The following HPSE2 variants were observed in gnomAD, a reference collection of about 807,000 sequenced individuals.
HPSE2 encodes heparanase 2 (inactive), also known as inactive heparanase-2.
HPSE2 carries 38 observed loss-of-function variants against 60.5 expected under a neutral mutation model. The ratio of observed to expected loss-of-function variants is 0.63; its 90% confidence interval spans 0.48 to 0.82. HPSE2 has a LOEUF of 0.82. Among genes scored for constraint, HPSE2 ranks in the 40% least tolerant of loss-of-function variants. HPSE2 has a pLI of 0.00. For synonymous variants in HPSE2, 295 were observed against 293.2 expected (o/e 1.01, Z -0.06); for missense variants, 713 against 740.4 (o/e 0.96, Z 0.43).
chr10:99,222,333 A>G (rs1448953710), intron 2 of HPSE2, among the ~76,000 whole-genome samples: 1 of 152,132 alleles, frequency 6.6e-6, no homozygotes, highest in Non-Finnish European at 1.5e-5. Context: ...TGATTTCTTC[A>G]TTTTAAGTGT....
intron 3 of HPSE2, among the ~76,000 whole-genome samples, chr10:98,848,948 T>G (rs1218436977): frequency 1.3e-5 from 2 of 152,186 alleles, no homozygotes; most frequent in African/African-American, 4.8e-5. Context: ...TTGAAAGTAC[T>G]TTAGGTTTAC....
In HPSE2 at chr10:99,235,698, G is replaced by C. The variant is rs1382803220; in HGVS notation, c.105C>G (p.Leu35=). Residue 35 remains leucine (L), a synonymous_variant, in exon 1 of 12, where the codon CTC becomes CTG. Transcript: ENST00000370552. The part of the protein sequence containing the change: ...GALYLALLLH[L]SLSSQAGDRR... ...TGTCTCCAGCCTGGGAGGAAAGGGA[G>C]AGATGGAGCAACAGAGCCAAGTAGA... 6.2e-7 allele frequency: 1 copy of C among 1,614,098 alleles called. No homozygotes were observed. Among genetic ancestry groups the C allele is most frequent in the Non-Finnish European group, 8.5e-7 (1 of 1,180,038 alleles).
the HPSE2 span, among the ~76,000 whole-genome samples, chr10:99,282,694 A>T: frequency 7.2e-4 from 109 of 152,364 alleles, no homozygotes; most frequent in African/African-American, 2.6e-3. Flanking sequence ...CAAGAAAACA[A>T]CTAAAGGAAA....
At chr10:98,611,663 T>C (rs1046851053) in intron 9 of HPSE2, among the ~76,000 whole-genome samples, 2 of 152,184 alleles carry the variant, frequency 1.3e-5, no homozygotes, top group South Asian at 2.1e-4. Flanking sequence ...GTGTGTCAGA[T>C]TGGTGTTCTG....
intron 9 of HPSE2, among the ~76,000 whole-genome samples, chr10:98,545,485 G>T (rs1053513232): frequency 6.6e-6 from 1 of 152,172 alleles, no homozygotes; most frequent in African/African-American, 2.4e-5. Context: ...CCCTGGGATG[G>T]AAGGCTGGTT....
At position 99,044,694 on chromosome 10, in the gene HPSE2, A is replaced by AC. The variant is rs201901641; in HGVS notation, c.610+99543_610+99544insG. Among the ~76,000 whole-genome samples, 192 of 146,386 alleles carry AC rather than the reference A, an allele frequency of 1.3e-3. 1 individual carries two copies. Among genetic ancestry groups the AC allele is most frequent in the African/African-American group, 4.1e-3 (165 of 40,616 alleles). On this transcript the variant is annotated intron_variant, in intron 3 of 11. Transcript: ENST00000370552. Reference sequence around the variant, plus strand: ...ATGCAAACAGAAAACAAACAAACAAAAAAAATAGCAGGAATTGTTATTCTT... The same window carrying AC: ...ATGCAAACAGAAAACAAACAAACAAACAAAAATAGCAGGAATTGTTATTCTT...
chr10:99,138,322 A>T (rs1256936777), intron 3 of HPSE2, among the ~76,000 whole-genome samples: 1 of 152,226 alleles, frequency 6.6e-6, no homozygotes, highest in Non-Finnish European at 1.5e-5. Flanking sequence ...CCATTGTGGA[A>T]GACAGTGTGG....
intron 4 of HPSE2, among the ~76,000 whole-genome samples, chr10:98,734,888 TACACACACAC>T (rs140139802): frequency 6.7e-6 from 1 of 148,230 alleles, no homozygotes. Context: ...ATTTGTCCCT[TACACACACAC>T]ACACACACAC....
the HPSE2 span, among the ~76,000 whole-genome samples, chr10:99,312,897 G>A: frequency 1.3e-5 from 2 of 152,172 alleles, no homozygotes; most frequent in Non-Finnish European, 2.9e-5. Flanking sequence ...GGAGGTCACT[G>A]GATAATGGAG....
chr10:98,708,638 T>G (rs1044207154), intron 5 of HPSE2, among the ~76,000 whole-genome samples: 14 of 152,186 alleles, frequency 9.2e-5, no homozygotes, highest in African/African-American at 3.1e-4. Flanking sequence ...TTTTCCTTCC[T>G]AACAAAATGA....
chr10:98,600,603 G>A (rs967432763), intron 9 of HPSE2, among the ~76,000 whole-genome samples: 1 of 151,710 alleles, frequency 6.6e-6, no homozygotes, highest in Non-Finnish European at 1.5e-5. Context: ...TCATGGAGAA[G>A]GAGGAAAAAA....
the HPSE2 span, among the ~76,000 whole-genome samples, chr10:99,247,404 T>C: frequency 6.6e-6 from 1 of 152,170 alleles, no homozygotes; most frequent in African/African-American, 2.4e-5. Flanking sequence ...GTTCTGAACA[T>C]GGAAATGAAA....
At position 99,079,520 on chromosome 10, in the gene HPSE2, T is replaced by A. The variant is rs77693003; in HGVS notation, c.610+64718A>T. Among the ~76,000 whole-genome samples, 505 of 152,250 alleles carry A rather than the reference T, an allele frequency of 3.3e-3. 2 individuals are homozygous for A. Among genetic ancestry groups the A allele is most frequent in the African/African-American group, 0.012 (484 of 41,550 alleles). ...AGGGAGAAGCCGGGATCTGGAGTTA[T>A]TCACCTATTCACTCTGTGCTGAGCT... On this transcript the variant is annotated intron_variant, in intron 3 of 11. Transcript: ENST00000370552.
chr10:99,001,863 A>G (rs1589496323), intron 3 of HPSE2, among the ~76,000 whole-genome samples: 1 of 152,144 alleles, frequency 6.6e-6, no homozygotes. Context: ...TCTGATCAAG[A>G]GTCAGCAAAT....
intron 3 of HPSE2, among the ~76,000 whole-genome samples, chr10:99,083,841 G>T (rs928251735): frequency 1.3e-5 from 2 of 150,978 alleles, no homozygotes; most frequent in South Asian, 2.1e-4. Context: ...GAAGGAAAAA[G>T]AACAAAAGTC....
chr10:98,880,164 CT>C (rs1454365833), intron 3 of HPSE2, among the ~76,000 whole-genome samples: 1 of 151,808 alleles, frequency 6.6e-6, no homozygotes, highest in Non-Finnish European at 1.5e-5. Context: ...GAAACATTTC[CT>C]TTTTCTTAAG....
intron 9 of HPSE2, among the ~76,000 whole-genome samples, chr10:98,551,164 T>C (rs1439986090): frequency 1.3e-5 from 2 of 152,164 alleles, no homozygotes; most frequent in South Asian, 2.1e-4. Context: ...GTGAGCGTTG[T>C]TGGGAAGCTT....
At chr10:98,777,701 T>C (rs1950371533) in intron 3 of HPSE2, among the ~76,000 whole-genome samples, 1 of 152,140 alleles carries the variant, frequency 6.6e-6, no homozygotes, top group African/African-American at 2.4e-5. Flanking sequence ...CTGATAAAAA[T>C]TCTTATTGCA....
intron 2 of HPSE2, among the ~76,000 whole-genome samples, chr10:99,201,627 T>C (rs1387046151): frequency 6.6e-6 from 1 of 152,132 alleles, no homozygotes; most frequent in Non-Finnish European, 1.5e-5. Context: ...GGAAATGGAA[T>C]TTGCCCAATG....
Sources: allele counts gnomAD v4.1 joint callset (sites outside exome capture counted in the v4.1 genomes callset), GRCh38; gene constraint gnomAD v4.1.1; transcripts MANE v1.5; gene names NCBI Gene and HGNC (gene_info 2026-07-23, HGNC 2026-07-21).